SAMD12: variants seen among roughly 807,000 people sequenced by gnomAD.
SAMD12 encodes sterile alpha motif domain-containing protein 12.
Under a neutral mutation model 15.0 loss-of-function variants are expected in SAMD12, and 9 were observed. The ratio of observed to expected loss-of-function variants is 0.60; its 90% CI spans 0.36 to 1.05. SAMD12 has a LOEUF of 1.05. Ranked by LOEUF, SAMD12 falls within the 50% of genes least tolerant of loss-of-function variation. The probability of loss-of-function intolerance (pLI) is 0.01; values close to 1 mark genes in which losing one functional copy is unlikely to be tolerated. For missense variants in SAMD12, 230 were observed against 234.2 expected (o/e 0.98, Z 0.12); for synonymous variants, 86 against 90.1 (o/e 0.96, Z 0.25).
At chr8:118,438,723 AAG>A (rs1264223798) in intron 3 of SAMD12, among the ~76,000 whole-genome samples, 1 of 152,224 alleles carries the variant, frequency 6.6e-6, no homozygotes, top group African/African-American at 2.4e-5. Context: ...TGAACAGAAC[AAG>A]AGAGATTAGG....
At chr8:118,612,592 G>A (rs553816313) in intron 1 of SAMD12, among the ~76,000 whole-genome samples, 3 of 152,270 alleles carry the variant, frequency 2.0e-5, no homozygotes, top group South Asian at 4.1e-4. Context: ...CAGAAGATAA[G>A]CACAGGGAAA....
chr8:118,228,811 CATT>C (rs1463118524), intron 4 of SAMD12, among the ~76,000 whole-genome samples: 2 of 152,132 alleles, frequency 1.3e-5, no homozygotes. Flanking sequence ...GAAAAAAAGT[CATT>C]ATTCGAAAAA....
intron 4 of SAMD12, among the ~76,000 whole-genome samples, chr8:118,226,151 C>A (rs1457108201): frequency 6.6e-6 from 1 of 152,170 alleles, no homozygotes; most frequent in Non-Finnish European, 1.5e-5. Context: ...ACCATTTGTA[C>A]ACGAGGTACC....
At chr8:118,548,311 T>G (rs1826189519) in intron 2 of SAMD12, among the ~76,000 whole-genome samples, 1 of 152,056 alleles carries the variant, frequency 6.6e-6, no homozygotes, top group African/African-American at 2.4e-5. Context: ...AATAGATATA[T>G]GATTCCTTCC....
At chr8:118,397,599 T>G (rs1244957303) in intron 3 of SAMD12, among the ~76,000 whole-genome samples, 1 of 152,122 alleles carries the variant, frequency 6.6e-6, no homozygotes, top group African/African-American at 2.4e-5. Flanking sequence ...GGTAAAGAAA[T>G]TACATTGAAA....
intron 2 of SAMD12, among the ~76,000 whole-genome samples, chr8:118,470,298 T>TA (rs968519624): frequency 6.6e-6 from 1 of 151,752 alleles, no homozygotes; most frequent in African/African-American, 2.4e-5. Flanking sequence ...ACTTAGGTAA[T>TA]AAAAAAATAA....
chr8:118,277,870 C>T (rs1391653314), intron 4 of SAMD12, among the ~76,000 whole-genome samples: 1 of 152,122 alleles, frequency 6.6e-6, no homozygotes, highest in African/African-American at 2.4e-5. Flanking sequence ...ATAGAGAGCT[C>T]TGAGTAATTC....
chr8:118,455,973 T>A (rs1283923126), intron 2 of SAMD12, among the ~76,000 whole-genome samples: 1 of 152,234 alleles, frequency 6.6e-6, no homozygotes, highest in East Asian at 1.9e-4. Context: ...ATTTTCCAAA[T>A]TCCACACTTT....
At chr8:118,570,051 C>A (rs532214631) in intron 2 of SAMD12, among the ~76,000 whole-genome samples, 33 of 152,218 alleles carry the variant, frequency 2.2e-4, no homozygotes, top group South Asian at 6.2e-4. Flanking sequence ...CAAGTTTGGG[C>A]CAGATCAGGG....
chr8:118,592,564 A>G (rs1279823888), intron 1 of SAMD12, among the ~76,000 whole-genome samples: 3 of 152,232 alleles, frequency 2.0e-5, no homozygotes, highest in Non-Finnish European at 4.4e-5. Context: ...GAATAATTAA[A>G]GCATATTTAA....
At chr8:118,370,317 T>A (rs1376942995) in intron 4 of SAMD12, among the ~76,000 whole-genome samples, 1 of 152,176 alleles carries the variant, frequency 6.6e-6, no homozygotes, top group East Asian at 1.9e-4. Flanking sequence ...GAGACAGGAA[T>A]GCTTTTACAC....
At chr8:118,474,840 G>T (rs1823907843) in intron 2 of SAMD12, among the ~76,000 whole-genome samples, 1 of 152,138 alleles carries the variant, frequency 6.6e-6, no homozygotes, top group South Asian at 2.1e-4. Flanking sequence ...AGACTAGTGG[G>T]AGGTATTTAG....
At chr8:118,136,598 T>G in the SAMD12 span, among the ~76,000 whole-genome samples, 1 of 152,204 alleles carries the variant, frequency 6.6e-6, no homozygotes, top group African/African-American at 2.4e-5. Flanking sequence ...GGCTGGGTTT[T>G]CCCACGAGCT....
chr8:118,521,650 T>C (rs1045741366), intron 2 of SAMD12, among the ~76,000 whole-genome samples: 3 of 130,974 alleles, frequency 2.3e-5, no homozygotes, highest in African/African-American at 9.0e-5. Context: ...AATACACACA[T>C]TCGGGCTTCT....
the SAMD12 span, among the ~76,000 whole-genome samples, chr8:118,176,509 T>C: frequency 3.3e-5 from 5 of 152,162 alleles, no homozygotes; most frequent in African/African-American, 4.8e-5. Flanking sequence ...TCATGGCCTT[T>C]GCAGCAACAT....
At chr8:118,255,670 C>T (rs1450640064) in intron 4 of SAMD12, among the ~76,000 whole-genome samples, 1 of 151,692 alleles carries the variant, frequency 6.6e-6, no homozygotes, top group Non-Finnish European at 1.5e-5. Context: ...CATGTCCCTA[C>T]AAAGGACATG....
chr8:118,454,069 C>G (rs1290876125), intron 2 of SAMD12, among the ~76,000 whole-genome samples: 1 of 152,160 alleles, frequency 6.6e-6, no homozygotes, highest in African/African-American at 2.4e-5. Context: ...GGATCCCAAT[C>G]TTCCTTTTTT....
chr8:118,597,144 C>T (rs184132041), intron 1 of SAMD12, among the ~76,000 whole-genome samples: 1 of 152,120 alleles, frequency 6.6e-6, no homozygotes, highest in Non-Finnish European at 1.5e-5. Flanking sequence ...GGCTCCAGAT[C>T]TGTAGGAGCC....
chr8:118,397,682 T>C (rs6997433), intron 3 of SAMD12, among the ~76,000 whole-genome samples: 107,377 of 152,042 alleles, frequency 0.71, 39,122 homozygotes, highest in African/African-American at 0.85. Flanking sequence ...CGAATTATGC[T>C]GGGCTGGGTA....
Sources: gnomAD v4.1 joint callset for allele counts (sites outside exome capture counted in the v4.1 genomes callset) on GRCh38, gnomAD v4.1.1 for gene constraint, MANE v1.5 for transcripts, NCBI Gene and HGNC (gene_info 2026-07-23, HGNC 2026-07-21) for gene names.